The following EVI5 variants were observed in gnomAD, a reference collection of about 807,000 sequenced individuals.
The protein encoded by EVI5 is ecotropic viral integration site 5 protein homolog.
In EVI5, 73 loss-of-function variants were observed where a neutral mutation model predicts 112.0. The ratio of observed to expected loss-of-function variants is 0.65; its 90% confidence interval spans 0.54 to 0.79. EVI5 has a LOEUF of 0.79. Ranked by LOEUF, EVI5 falls within the 30% of genes least tolerant of loss-of-function variation. EVI5 has a pLI of 0.00. For missense variants in EVI5, 900 were observed against 968.8 expected, an observed-to-expected ratio of 0.93 and a Z score of 0.94; for synonymous variants, 305 against 319.9, an observed-to-expected ratio of 0.95 and a Z score of 0.50.
rs567403993 is a variant in EVI5 at position 92,678,465 on chromosome 1, A to G, written c.1098-1247T>C. ...AGGATTGCTTGAGCCAGGAAAGTCA[A>G]GGTTGCAGTGAGCCATGATCTAGCC... On this transcript the variant is annotated intron_variant, in intron 9 of 19. Transcript: ENST00000684568. Among the ~76,000 whole-genome samples the G allele has an allele frequency of 1.1e-3, 161 of 152,252 alleles. 1 individual carries two copies. The highest frequency in any genetic ancestry group is 3.6e-3 in the African/African-American group (149 of 41,558).
At chr1:92,762,041 G>C (rs1472391886) in intron 1 of EVI5, among the ~76,000 whole-genome samples, 2 of 152,214 alleles carry the variant, frequency 1.3e-5, no homozygotes, top group Middle Eastern at 3.4e-3. Flanking sequence ...ACAACTATCA[G>C]AGAGAGATGG....
intron 18 of EVI5, among the ~76,000 whole-genome samples, chr1:92,596,881 G>C (rs1380680848): frequency 6.6e-6 from 1 of 152,120 alleles, no homozygotes; most frequent in African/African-American, 2.4e-5. Flanking sequence ...TTCTAGTTTG[G>C]TTGTAATTTT....
intron 16 of EVI5, among the ~76,000 whole-genome samples, chr1:92,615,617 C>A (rs1248143952): frequency 6.6e-6 from 1 of 152,132 alleles, no homozygotes; most frequent in African/African-American, 2.4e-5. Flanking sequence ...CAACCCCTCC[C>A]CAACCCATGC....
At chr1:92,591,158 C>T (rs534321239) in intron 18 of EVI5, among the ~76,000 whole-genome samples, 61 of 152,348 alleles carry the variant, frequency 4.0e-4, no homozygotes, top group African/African-American at 1.5e-3. Context: ...ACTGCAAAAA[C>T]ATGCCAAATT....
chr1:92,616,800 C>T (rs1653290292), intron 16 of EVI5, among the ~76,000 whole-genome samples: 2 of 152,078 alleles, frequency 1.3e-5, no homozygotes, highest in African/African-American at 4.8e-5. Context: ...GACTATGGGT[C>T]ATCAAGTCAC....
intron 1 of EVI5, among the ~76,000 whole-genome samples, chr1:92,739,822 T>A (rs1195395769): frequency 2.0e-5 from 3 of 152,110 alleles, no homozygotes; most frequent in Non-Finnish European, 4.4e-5. Flanking sequence ...TGAATCATAC[T>A]GTGAAACTGA....
In EVI5 at chr1:92,605,335, C is replaced by T. The variant is rs199790731; in HGVS notation, c.2042G>A (p.Arg681Gln). Reference sequence around the variant, plus strand: ...GATTTCAAGCTCAGCAATGTGTTGTCGTAGTTCAGCCACAGCAGCTATGCT... The same window carrying T: ...GATTTCAAGCTCAGCAATGTGTTGTTGTAGTTCAGCCACAGCAGCTATGCT... ...ADSIAAVAEL[R>Q]QHIAELEIQK... Residue 681 changes from arginine (R) to glutamine (Q), a missense_variant, in exon 18 of 20, where the codon CGA becomes CAA. Transcript: ENST00000684568. The T allele has an allele frequency of 1.6e-5, 25 of 1,612,500 alleles. No homozygotes were observed. Among genetic ancestry groups the T allele is most frequent in the Non-Finnish European group, 2.0e-5 (23 of 1,178,754 alleles).
intron 9 of EVI5, among the ~76,000 whole-genome samples, chr1:92,679,827 T>C (rs1446970116): frequency 6.6e-6 from 1 of 152,210 alleles, no homozygotes; most frequent in African/African-American, 2.4e-5. Context: ...CTCATGATTA[T>C]ACTGGGGTTA....
intron 1 of EVI5, among the ~76,000 whole-genome samples, chr1:92,752,913 G>A (rs866355645): frequency 4.6e-5 from 7 of 152,024 alleles, no homozygotes; most frequent in South Asian, 2.1e-4. Context: ...TAAAAGTGTC[G>A]TCATAAACAA....
intron 4 of EVI5, 146 bp from the exon 5 acceptor site, chr1:92,702,361 A>G (rs1671303546): frequency 4.5e-6 from 2 of 445,650 alleles, no homozygotes; most frequent in Non-Finnish European, 8.1e-6. Context: ...GTTATCCTAT[A>G]CATATTTAAA....
intron 18 of EVI5, among the ~76,000 whole-genome samples, chr1:92,585,639 A>G (rs1571709817): frequency 6.6e-6 from 1 of 152,318 alleles, no homozygotes; most frequent in East Asian, 1.9e-4. Context: ...GGACTCACAA[A>G]CTAGTTTTAA....
At chr1:92,674,415 C>T (rs933673472) in intron 10 of EVI5, among the ~76,000 whole-genome samples, 1 of 152,096 alleles carries the variant, frequency 6.6e-6, no homozygotes, top group Non-Finnish European at 1.5e-5. Flanking sequence ...AACCATCATT[C>T]TCAGCAAACT....
At chr1:92,744,652 C>T (rs1284745561) in intron 1 of EVI5, among the ~76,000 whole-genome samples, 3 of 149,410 alleles carry the variant, frequency 2.0e-5, no homozygotes, top group South Asian at 2.1e-4. Flanking sequence ...ACACAGAGGA[C>T]GGCAGACTTG....
intron 9 of EVI5, among the ~76,000 whole-genome samples, chr1:92,683,649 T>TA (rs1427350813): frequency 6.6e-6 from 1 of 152,136 alleles, no homozygotes; most frequent in Non-Finnish European, 1.5e-5. Context: ...ACAAGGAAGC[T>TA]AAAAACCTTG....
At chr1:92,654,578 C>T (rs1037032432) in intron 13 of EVI5, among the ~76,000 whole-genome samples, 1 of 152,062 alleles carries the variant, frequency 6.6e-6, no homozygotes, top group African/African-American at 2.4e-5. Context: ...TAAGTTTCTC[C>T]ATATGAGAAG....
chr1:92,573,403 T>G (rs981779177), intron 18 of EVI5, among the ~76,000 whole-genome samples: 13 of 152,120 alleles, frequency 8.5e-5, no homozygotes, highest in Non-Finnish European at 1.5e-4. Context: ...TAATAATAAA[T>G]GCTTTTATCC....
At chr1:92,783,693 T>A (rs1338554180) in intron 1 of EVI5, among the ~76,000 whole-genome samples, 2 of 149,782 alleles carry the variant, frequency 1.3e-5, no homozygotes, top group Non-Finnish European at 3.0e-5. Context: ...GCGCCTGTAG[T>A]CCCAGCTACT....
At chr1:92,789,341 C>T (rs1685915555), upstream of EVI5, among the ~76,000 whole-genome samples, 1 of 151,660 alleles carries the variant, frequency 6.6e-6, no homozygotes, top group Non-Finnish European at 1.5e-5. Context: ...CTCGCTCCGT[C>T]GCCCAGGCTG....
chr1:92,546,464 C>A (rs548924026), intron 19 of EVI5, among the ~76,000 whole-genome samples: 2 of 152,110 alleles, frequency 1.3e-5, no homozygotes, highest in Non-Finnish European at 2.9e-5. Context: ...TTTGGGAGAC[C>A]GAGGCGGGTG....
Sources: allele counts gnomAD v4.1 joint callset (sites outside exome capture counted in the v4.1 genomes callset), GRCh38; gene constraint gnomAD v4.1.1; transcripts MANE v1.5; gene names NCBI Gene and HGNC (gene_info 2026-07-23, HGNC 2026-07-21).